The following SAMMSON variants were observed in gnomAD, a reference collection of about 807,000 sequenced individuals.
The protein encoded by SAMMSON is long intergenic non-protein coding RNA 1212.
chr3:70,289,153 C>G (rs1339240711), intron 6 of SAMMSON, among the ~76,000 whole-genome samples: 3 of 150,990 alleles, frequency 2.0e-5, no homozygotes, highest in African/African-American at 7.3e-5. Flanking sequence ...TCTTCCTAGT[C>G]TCGATGGTCT....
intron 7 of SAMMSON, among the ~76,000 whole-genome samples, chr3:70,314,558 C>G (rs1002948033): frequency 2.6e-5 from 4 of 151,924 alleles, no homozygotes; most frequent in African/African-American, 9.7e-5. Context: ...AGAGACAACA[C>G]AAGAGATAAA....
At chr3:70,304,155 C>T (rs1275684033) in intron 7 of SAMMSON, among the ~76,000 whole-genome samples, 1 of 152,140 alleles carries the variant, frequency 6.6e-6, no homozygotes, top group African/African-American at 2.4e-5. Context: ...TCATGGAATC[C>T]CAGCCTTCTC....
At chr3:70,422,932 T>C (rs1009400822) in intron 2 of SAMMSON, among the ~76,000 whole-genome samples, 1 of 151,896 alleles carries the variant, frequency 6.6e-6, no homozygotes, top group Non-Finnish European at 1.5e-5. Context: ...GTAAACCATA[T>C]TATAATAAAA....
intron 4 of SAMMSON, among the ~76,000 whole-genome samples, chr3:70,153,798 C>T (rs1266004448): frequency 6.6e-6 from 1 of 151,986 alleles, no homozygotes; most frequent in Non-Finnish European, 1.5e-5. Context: ...ACGTTCCTCT[C>T]CAGAGCTTTT....
At chr3:70,004,505 C>T (rs948064110) in intron 1 of SAMMSON, among the ~76,000 whole-genome samples, 4 of 151,954 alleles carry the variant, frequency 2.6e-5, no homozygotes, top group African/African-American at 4.8e-5. Context: ...TAAAAGGGAT[C>T]CTAGAGACAA....
At chr3:70,219,479 C>A (rs1268797903) in intron 4 of SAMMSON, among the ~76,000 whole-genome samples, 1 of 151,954 alleles carries the variant, frequency 6.6e-6, no homozygotes, top group South Asian at 2.1e-4. Context: ...TAATTTGTTA[C>A]CATAAACAGA....
chr3:70,045,099 A>G (rs1450841818), intron 3 of SAMMSON, among the ~76,000 whole-genome samples: 61 of 82,158 alleles, frequency 7.4e-4, no homozygotes, highest in African/African-American at 2.0e-3. Context: ...TAATTATAAT[A>G]TATATTATAA....
intron 7 of SAMMSON, among the ~76,000 whole-genome samples, chr3:70,334,061 G>C (rs1175825930): frequency 6.6e-6 from 1 of 152,166 alleles, no homozygotes; most frequent in Non-Finnish European, 1.5e-5. Flanking sequence ...CCTGTGCCTA[G>C]TTAAGCAGAT....
intron 2 of SAMMSON, among the ~76,000 whole-genome samples, chr3:70,404,785 G>A (rs1192329466): frequency 1.3e-5 from 2 of 152,134 alleles, no homozygotes; most frequent in African/African-American, 4.8e-5. Flanking sequence ...GGACAGCACT[G>A]TATTTCTACA....
At chr3:70,170,491 C>CACAATTAAT (rs1700934424) in intron 4 of SAMMSON, among the ~76,000 whole-genome samples, 1 of 150,494 alleles carries the variant, frequency 6.6e-6, no homozygotes, top group Non-Finnish European at 1.5e-5. Context: ...CTTTATACCG[C>CACAATTAAT]ACAATTAATG....
chr3:70,180,275 A>G (rs1701042365), intron 4 of SAMMSON, among the ~76,000 whole-genome samples: 1 of 152,136 alleles, frequency 6.6e-6, no homozygotes, highest in Admixed American at 6.6e-5. Context: ...ATTGAACTAA[A>G]TAATGTATAT....
At chr3:70,251,168 C>G (rs1449794648) in intron 6 of SAMMSON, among the ~76,000 whole-genome samples, 3 of 152,186 alleles carry the variant, frequency 2.0e-5, no homozygotes, top group African/African-American at 7.2e-5. Context: ...AAGGTGGTTT[C>G]TGCCCACATC....
At chr3:70,158,040 C>T (rs567909039) in intron 4 of SAMMSON, among the ~76,000 whole-genome samples, 100 of 152,210 alleles carry the variant, frequency 6.6e-4, no homozygotes, top group African/African-American at 2.2e-3. Flanking sequence ...TTAATAATAA[C>T]TTCATTCAGC....
chr3:70,290,758 C>G (rs1050977257), intron 6 of SAMMSON, among the ~76,000 whole-genome samples: 4 of 152,198 alleles, frequency 2.6e-5, no homozygotes, highest in Non-Finnish European at 5.9e-5. Flanking sequence ...GTTATAATCT[C>G]GTGGTGCGCC....
rs567150616 is a variant in SAMMSON at position 70,210,383 on chromosome 3, A to T, written n.508-38724A>T. On this transcript the variant is annotated intron_variant and non_coding_transcript_variant, in intron 4 of 9. Transcript: ENST00000642114. Reference sequence around the variant, plus strand: ...GGGAACTATCTGTTGCTCATTAGAAAATCATCTGACATACACACATTTGAG... The same window carrying T: ...GGGAACTATCTGTTGCTCATTAGAATATCATCTGACATACACACATTTGAG... Among the ~76,000 whole-genome samples, 770 of 152,220 alleles carry T rather than the reference A, an allele frequency of 5.1e-3. 4 individuals carry two copies. The highest frequency in any genetic ancestry group is 0.017 in the Middle Eastern group (5 of 294).
chr3:70,137,239 G>T (rs1450482249), intron 4 of SAMMSON, among the ~76,000 whole-genome samples: 1 of 152,098 alleles, frequency 6.6e-6, no homozygotes, highest in Admixed American at 6.5e-5. Flanking sequence ...GCAATATATT[G>T]TTTAGAGAAA....
intron 4 of SAMMSON, among the ~76,000 whole-genome samples, chr3:70,191,349 T>C (rs1217865178): frequency 2.6e-5 from 4 of 152,218 alleles, no homozygotes; most frequent in African/African-American, 9.6e-5. Flanking sequence ...ATAGTGTTGT[T>C]GACTGATTAA....
chr3:70,367,845 G>A (rs1237022682), intron 9 of SAMMSON, among the ~76,000 whole-genome samples: 1 of 151,492 alleles, frequency 6.6e-6, no homozygotes, highest in African/African-American at 2.4e-5. Flanking sequence ...CCCACTAACA[G>A]TGTACTAGAG....
intron 9 of SAMMSON, among the ~76,000 whole-genome samples, chr3:70,388,652 G>C (rs1210765298): frequency 6.6e-6 from 1 of 152,106 alleles, no homozygotes; most frequent in Non-Finnish European, 1.5e-5. Context: ...GTGGAATTAT[G>C]GGAAACAGCC....
Sources: allele counts gnomAD v4.1 joint callset (sites outside exome capture counted in the v4.1 genomes callset), GRCh38; gene constraint gnomAD v4.1.1; transcripts MANE v1.5; gene names NCBI Gene and HGNC (gene_info 2026-07-23, HGNC 2026-07-21).